The following DERA variants were observed in gnomAD, a reference collection of about 807,000 sequenced individuals.
The protein encoded by DERA is 2-deoxy-D-ribose 5-phosphate aldolase.
Under a neutral mutation model 41.1 loss-of-function variants are expected in DERA, and 15 were observed. The ratio of observed to expected loss-of-function variants is 0.37; its 90% confidence interval spans 0.24 to 0.56. The LOEUF (loss-of-function observed/expected upper bound fraction) is 0.56. Among genes scored for constraint, DERA ranks in the 20% least tolerant of loss-of-function variants. The probability of loss-of-function intolerance (pLI) is 0.81; values close to 1 mark genes in which losing one functional copy is unlikely to be tolerated. For synonymous variants in DERA, 139 were observed against 137.4 expected (o/e 1.01, Z -0.08); for missense variants, 396 against 403.4 (o/e 0.98, Z 0.16).
Position 15,976,080 on chromosome 12 carries a change from A to G in DERA, c.509-6228A>G, listed in dbSNP as rs1193663146. On this transcript the variant is annotated intron_variant, in intron 5 of 8. Transcript: ENST00000428559. This position sits in a 1 kb window ranked among gnomAD's most constrained non-coding sequence, Gnocchi z 4.1. The stretch of plus-strand genomic sequence containing the variant: ...TTTTTATTTATTTATATATCAGTCT[A>G]TAAATCTGTCTTAGAACTTACAACT... 6.6e-6 allele frequency among the ~76,000 whole-genome samples: 1 copy of G among 152,206 alleles called. No individual in the cohort carries two copies. The highest frequency in any genetic ancestry group is 6.5e-5 in the Admixed American group (1 of 15,278).
chr12:16,031,917 G>T lies in DERA; in HGVS notation c.638-625G>T, dbSNP rs182651986. ...TCTTAACTACTGTGATCATTTCTTT[G>T]TCTCCTTGTGTTATTTTGTTAAACT... is the stretch of plus-strand genomic sequence containing the variant. On this transcript the variant is annotated intron_variant, in intron 6 of 8. Transcript: ENST00000428559. Among the ~76,000 whole-genome samples the T allele has an allele frequency of 6.2e-4, 94 of 152,220 alleles. 2 individuals are homozygous for T. The highest frequency in any genetic ancestry group is 6.0e-3 in the Admixed American group (91 of 15,292).
intron 1 of DERA, among the ~76,000 whole-genome samples, chr12:15,930,563 C>G (rs1215095366): frequency 6.6e-6 from 1 of 152,102 alleles, no homozygotes; most frequent in Non-Finnish European, 1.5e-5. Flanking sequence ...AGTGTTCATA[C>G]ACTATTACTT....
rs113615142 is a variant in DERA at position 16,006,097 on chromosome 12, G to T, written c.637+23661G>T. On this transcript the variant is annotated intron_variant, in intron 6 of 8. Transcript: ENST00000428559. ...GTTCAGCAAATGTGTGGCCTTACTT[G>T]TGGAAAACCAGCTAATAGATGATGA... 3.3e-5 allele frequency among the ~76,000 whole-genome samples: 5 copies of T among 152,286 alleles called. No individual in the cohort carries two copies. The East Asian group carries it at 9.6e-4, about 29-fold the overall frequency.
Position 16,021,092 on chromosome 12 carries a change from G to C in DERA, c.638-11450G>C, listed in dbSNP as rs1949014583. 6.6e-6 allele frequency among the ~76,000 whole-genome samples: 1 copy of C among 152,348 alleles called. No homozygotes were observed. The highest frequency in any genetic ancestry group is 1.9e-4 in the East Asian group (1 of 5,188). ...GAGCAACTGCTTGCTAGAGAGATTA[G>C]CTTGTCTAAAAGGGAGCCAAGTGCT... is the stretch of plus-strand genomic sequence containing the variant. On this transcript the variant is annotated intron_variant, in intron 6 of 8. Transcript: ENST00000428559. This position sits in a 1 kb window ranked among gnomAD's most constrained non-coding sequence, Gnocchi z 5.3.
At chr12:16,032,807 C>T in intron 7 of DERA, 153 bp downstream of exon 7, 1 of 608,848 alleles carries the variant, frequency 1.6e-6, no homozygotes, top group South Asian at 2.0e-5. Flanking sequence ...TATAAAAGAA[C>T]ACACTGATGG....
chr12:16,025,821 A>T (rs1949049468), intron 6 of DERA, among the ~76,000 whole-genome samples: 1 of 152,130 alleles, frequency 6.6e-6, no homozygotes, highest in Non-Finnish European at 1.5e-5. Flanking sequence ...ACCTTGACAG[A>T]TTTAAAAGAC....
chr12:15,987,153 A>G (rs1948770082), intron 6 of DERA, among the ~76,000 whole-genome samples: 1 of 151,524 alleles, frequency 6.6e-6, no homozygotes, highest in African/African-American at 2.4e-5. Flanking sequence ...ATTTATCCTG[A>G]ACTTTTCTGA....
At chr12:15,929,310 A>G (rs1166468442) in intron 1 of DERA, among the ~76,000 whole-genome samples, 1 of 152,232 alleles carries the variant, frequency 6.6e-6, no homozygotes, top group East Asian at 1.9e-4. Flanking sequence ...CACTTCTTCC[A>G]GAGGAGAAAT....
chr12:16,000,375 T>G lies in DERA; in HGVS notation c.637+17939T>G, dbSNP rs1948866578. On this transcript the variant is annotated intron_variant, in intron 6 of 8. Coordinates refer to ENST00000428559, the MANE Select transcript of DERA (RefSeq NM_015954.4). This position sits in a 1 kb window ranked among gnomAD's most constrained non-coding sequence, Gnocchi z 4.8. ...GCTATGAAGGTGAAAGAAAGGCTAT[T>G]TTTTGGTTTAGAAAACATTAGCAAG... Among the ~76,000 whole-genome samples, 1 of 152,214 alleles carries G rather than the reference T, an allele frequency of 6.6e-6. No homozygotes were observed. The highest frequency in any genetic ancestry group is 1.5e-5 in the Non-Finnish European group (1 of 68,036).
At chr12:15,914,915 A>G (rs1191438533) in intron 1 of DERA, among the ~76,000 whole-genome samples, 4 of 152,160 alleles carry the variant, frequency 2.6e-5, no homozygotes, top group Admixed American at 2.0e-4. Flanking sequence ...AGCTGAGATT[A>G]CAGGTGCCTG....
At chr12:16,015,754 A>G (rs558214059) in intron 6 of DERA, among the ~76,000 whole-genome samples, 16 of 152,358 alleles carry the variant, frequency 1.1e-4, no homozygotes, top group South Asian at 2.1e-4. Flanking sequence ...ATGGGAAACC[A>G]TGTCCAGAGA....
Position 16,000,937 on chromosome 12 carries a change from A to T in DERA, c.637+18501A>T, listed in dbSNP as rs1055758108. 6.6e-6 allele frequency among the ~76,000 whole-genome samples: 1 copy of T among 152,176 alleles called. No homozygotes were observed. On this transcript the variant is annotated intron_variant, in intron 6 of 8. Coordinates refer to ENST00000428559, the MANE Select transcript of DERA (RefSeq NM_015954.4). This position sits in a 1 kb window ranked among gnomAD's most constrained non-coding sequence, Gnocchi z 4.8. Reference sequence around the variant, plus strand: ...CTGCCTTTTTCTGCATTCTTGTTTTACAGTATTCAGTATTACAATGCCATT... The same window carrying T: ...CTGCCTTTTTCTGCATTCTTGTTTTTCAGTATTCAGTATTACAATGCCATT...
Position 15,959,546 on chromosome 12 carries a change from A to G in DERA, c.278-283A>G, listed in dbSNP as rs1012951011. Among the ~76,000 whole-genome samples, 1 of 152,196 alleles carries G rather than the reference A, an allele frequency of 6.6e-6. No individual in the cohort carries two copies. Among genetic ancestry groups the G allele is most frequent in the South Asian group, 2.1e-4 (1 of 4,830 alleles). On this transcript the variant is annotated intron_variant, in intron 3 of 8. Transcript: ENST00000428559. The surrounding 1 kb of genome is among the most constrained non-coding windows in gnomAD (Gnocchi z 4.5). ...TATTTGCATTTAGTAATGATCACCA[A>G]ATTTACTATTTAGACATTTTTAAAA...
intron 6 of DERA, among the ~76,000 whole-genome samples, chr12:16,029,400 C>G (rs961099963): frequency 3.3e-5 from 5 of 151,746 alleles, no homozygotes; most frequent in African/African-American, 1.2e-4. Context: ...GCACTCCAGC[C>G]TGGGTGACAG....
At chr12:15,914,576 G>C (rs1282425132) in intron 1 of DERA, among the ~76,000 whole-genome samples, 1 of 151,974 alleles carries the variant, frequency 6.6e-6, no homozygotes, top group African/African-American at 2.4e-5. Context: ...TGTTACATCC[G>C]TCTTCAGAGC....
At chr12:15,955,054 C>T (rs929002042) in intron 1 of DERA, among the ~76,000 whole-genome samples, 1 of 151,776 alleles carries the variant, frequency 6.6e-6, no homozygotes, top group Non-Finnish European at 1.5e-5. Flanking sequence ...AATCCCAGCA[C>T]TTTAGGAGGG....
intron 6 of DERA, among the ~76,000 whole-genome samples, chr12:16,003,000 C>T (rs2136174288): frequency 6.6e-6 from 1 of 152,274 alleles, no homozygotes; most frequent in East Asian, 1.9e-4. Flanking sequence ...CCCCTTATCA[C>T]CACAAACTGG....
intron 5 of DERA, among the ~76,000 whole-genome samples, chr12:15,969,937 C>G (rs7961980): frequency 0.31 from 47,717 of 152,028 alleles, 8,361 homozygotes; most frequent in East Asian, 0.7. Flanking sequence ...TCTGGAAATA[C>G]GACAACTGTA....
intron 1 of DERA, among the ~76,000 whole-genome samples, chr12:15,923,744 CCT>C (rs1948262991): frequency 6.8e-6 from 1 of 146,178 alleles, no homozygotes; most frequent in African/African-American, 2.5e-5. Context: ...TTCATCTCTT[CCT>C]CTCTTCTATT....
Sources: gnomAD v4.1 joint callset for allele counts (sites outside exome capture counted in the v4.1 genomes callset) on GRCh38, gnomAD v4.1.1 for gene constraint, Gnocchi (gnomAD v3.1) non-coding constraint, MANE v1.5 for transcripts, NCBI Gene and HGNC (gene_info 2026-07-23, HGNC 2026-07-21) for gene names.